The following RALYL variants were observed in gnomAD, a reference collection of about 807,000 sequenced individuals.
RALYL encodes RNA-binding Raly-like protein.
RALYL carries 29 observed loss-of-function variants against 35.1 expected under a neutral mutation model. That is an observed-to-expected ratio of 0.83 (90% confidence interval 0.61 to 1.13). The LOEUF (loss-of-function observed/expected upper bound fraction) is 1.13. RALYL is among the 50% of genes most tolerant of loss of function. The probability of loss-of-function intolerance (pLI) is 0.00; values close to 1 mark genes in which losing one functional copy is unlikely to be tolerated. For synonymous variants in RALYL, 120 were observed against 127.6 expected (o/e 0.94, Z 0.40); for missense variants, 359 against 360.4 (o/e 1.00, Z 0.03).
At chr8:84,875,692 G>A (rs1041724729) in intron 7 of RALYL, among the ~76,000 whole-genome samples, 5 of 151,662 alleles carry the variant, frequency 3.3e-5, no homozygotes, top group African/African-American at 4.8e-5. Flanking sequence ...TTTTCTTCAC[G>A]AAAAAAATCA....
intron 1 of RALYL, among the ~76,000 whole-genome samples, chr8:84,185,407 A>T (rs1025905126): frequency 6.6e-6 from 1 of 152,194 alleles, no homozygotes; most frequent in Admixed American, 6.5e-5. Context: ...GACGTATTCA[A>T]TGTTGAATGT....
chr8:84,350,688 G>A (rs193060841), intron 1 of RALYL, among the ~76,000 whole-genome samples: 1 of 150,016 alleles, frequency 6.7e-6, no homozygotes, highest in Non-Finnish European at 1.5e-5. Flanking sequence ...ATTATTATTG[G>A]GACAATACTG....
chr8:84,319,061 A>G (rs1563726506), intron 1 of RALYL, among the ~76,000 whole-genome samples: 1 of 152,072 alleles, frequency 6.6e-6, no homozygotes, highest in African/African-American at 2.4e-5. Flanking sequence ...ACGAAGAGCT[A>G]TTTTCCTAAA....
chr8:84,720,260 C>A (rs1843650349), intron 2 of RALYL, among the ~76,000 whole-genome samples: 1 of 152,074 alleles, frequency 6.6e-6, no homozygotes, highest in South Asian at 2.1e-4. Context: ...TCAAAATATA[C>A]TACAAAACTA....
rs4320545 is a variant in RALYL, at chr8:84,832,804, T to A, written c.366-17176T>A. Among the ~76,000 whole-genome samples the A allele has an allele frequency of 2.2e-3, 333 of 152,326 alleles. 1 individual carries two copies. Among genetic ancestry groups the A allele is most frequent in the African/African-American group, 7.8e-3 (326 of 41,586 alleles). On this transcript the variant is annotated intron_variant, in intron 4 of 8. Transcript: ENST00000521268. The stretch of plus-strand genomic sequence containing the variant: ...ATAGTTTTCAGACTCTTGTGGCATA[T>A]GTATCTGTGTGTTATATTACAACAT...
At chr8:84,621,672 C>G (rs1821532467) in intron 2 of RALYL, among the ~76,000 whole-genome samples, 2 of 152,332 alleles carry the variant, frequency 1.3e-5, no homozygotes, top group Middle Eastern at 3.4e-3. Flanking sequence ...AACAATTTCT[C>G]TGCTTAAAAG....
chr8:84,868,944 A>G (rs1839683387), intron 6 of RALYL, among the ~76,000 whole-genome samples: 1 of 152,004 alleles, frequency 6.6e-6, no homozygotes, highest in African/African-American at 2.4e-5. Flanking sequence ...TGTATTATGT[A>G]TTATGTTACA....
intron 1 of RALYL, among the ~76,000 whole-genome samples, chr8:84,427,156 A>G (rs865970638): frequency 6.6e-6 from 1 of 152,232 alleles, no homozygotes; most frequent in Non-Finnish European, 1.5e-5. Flanking sequence ...AGATATGCCC[A>G]ATGGAAACTA....
At chr8:84,448,028 G>C (rs1413373997) in intron 1 of RALYL, among the ~76,000 whole-genome samples, 1 of 151,994 alleles carries the variant, frequency 6.6e-6, no homozygotes, top group Non-Finnish European at 1.5e-5. Flanking sequence ...GGTAATCTTT[G>C]AGAGAAAGAT....
At chr8:84,415,074 A>G (rs1160093483) in intron 1 of RALYL, among the ~76,000 whole-genome samples, 1 of 151,956 alleles carries the variant, frequency 6.6e-6, no homozygotes. Flanking sequence ...TAGAAAGGAC[A>G]TAAGGGTTAT....
At chr8:84,511,117 A>G (rs532409058) in intron 1 of RALYL, among the ~76,000 whole-genome samples, 1 of 152,038 alleles carries the variant, frequency 6.6e-6, no homozygotes, top group African/African-American at 2.4e-5. Flanking sequence ...CCATCCTTCT[A>G]CTCTACTTCC....
At chr8:84,457,246 A>G (rs1251890786) in intron 1 of RALYL, among the ~76,000 whole-genome samples, 3 of 151,996 alleles carry the variant, frequency 2.0e-5, no homozygotes, top group African/African-American at 7.2e-5. Flanking sequence ...ACCATAACTC[A>G]TAGAATAGAC....
At chr8:84,879,778 T>G (rs1050872918) in intron 7 of RALYL, among the ~76,000 whole-genome samples, 2 of 151,954 alleles carry the variant, frequency 1.3e-5, no homozygotes, top group Non-Finnish European at 2.9e-5. Context: ...TGAAAAGACA[T>G]TGAGTTGTCC....
At chr8:84,194,159 A>G (rs1188151036) in intron 1 of RALYL, among the ~76,000 whole-genome samples, 1 of 152,224 alleles carries the variant, frequency 6.6e-6, no homozygotes. Context: ...AGAAAGGAAG[A>G]CACTGCTGAT....
At chr8:84,801,973 AG>A (rs1823403151) in intron 3 of RALYL, among the ~76,000 whole-genome samples, 1 of 152,254 alleles carries the variant, frequency 6.6e-6, no homozygotes, top group Non-Finnish European at 1.5e-5. Context: ...ATGTATTAAA[AG>A]TAAAGAAAGC....
chr8:84,851,099 A>C (rs1311931988), intron 5 of RALYL, among the ~76,000 whole-genome samples: 1 of 152,072 alleles, frequency 6.6e-6, no homozygotes, highest in South Asian at 2.1e-4. Context: ...CTGCATTTTC[A>C]TCTTTGATCA....
At chr8:84,540,619 TATA>T (rs1406487226) in intron 2 of RALYL, among the ~76,000 whole-genome samples, 7 of 151,984 alleles carry the variant, frequency 4.6e-5, no homozygotes, top group Admixed American at 2.6e-4. Flanking sequence ...ACTATTGGCT[TATA>T]ATATTTTTTC....
rs565690836 is a variant in RALYL, at chr8:84,255,773, C to T, written c.-24+71349C>T. Among the ~76,000 whole-genome samples the T allele has an allele frequency of 7.4e-4, 113 of 152,130 alleles. 4 individuals are homozygous for T. The South Asian group carries it at 0.023, about 30-fold the overall frequency. On this transcript the variant is annotated intron_variant, in intron 1 of 8. Transcript: ENST00000521268. ...AAATGACTGTGTCTGTGTTTACATG[C>T]ACTTATGTAGAGTTTTCCCCGGAAA...
At chr8:84,732,787 C>T (rs952890347) in intron 2 of RALYL, among the ~76,000 whole-genome samples, 10 of 151,620 alleles carry the variant, frequency 6.6e-5, no homozygotes, top group African/African-American at 2.4e-4. Context: ...GCCTCTGCCT[C>T]CCAGATTCAA....
Sources: gnomAD v4.1 joint callset for allele counts (sites outside exome capture counted in the v4.1 genomes callset) on GRCh38, gnomAD v4.1.1 for gene constraint, MANE v1.5 for transcripts, NCBI Gene and HGNC (gene_info 2026-07-23, HGNC 2026-07-21) for gene names.